The following FHL5 variants were observed in gnomAD, a reference collection of about 807,000 sequenced individuals.
FHL5 encodes four and a half LIM domains 5.
A neutral mutation model predicts 32.0 loss-of-function variants in FHL5; 33 were observed. The ratio of observed to expected loss-of-function variants is 1.03; its 90% CI spans 0.78 to 1.38. The LOEUF (loss-of-function observed/expected upper bound fraction) is 1.38. Ranked by LOEUF, FHL5 falls within the 40% of genes most tolerant of loss-of-function variation. The pLI is 0.00. For missense variants in FHL5, 336 were observed against 343.9 expected, an observed-to-expected ratio of 0.98 and a Z score of 0.18; for synonymous variants, 114 against 113.6, an observed-to-expected ratio of 1.00 and a Z score of -0.02.
intron 1 of FHL5, among the ~76,000 whole-genome samples, chr6:96,581,039 G>C (rs1453127443): frequency 6.6e-6 from 1 of 152,076 alleles, no homozygotes; most frequent in Admixed American, 6.6e-5. Flanking sequence ...ATAATTTCTT[G>C]ATTCTCCCAT....
At chr6:96,578,612 T>C (rs948437103) in intron 1 of FHL5, among the ~76,000 whole-genome samples, 1 of 151,996 alleles carries the variant, frequency 6.6e-6, no homozygotes, top group African/African-American at 2.4e-5. Flanking sequence ...GAGGTCGAGG[T>C]GGGAGAATCA....
chr6:96,582,219 T>C (rs950541769), intron 1 of FHL5, among the ~76,000 whole-genome samples: 2 of 152,126 alleles, frequency 1.3e-5, no homozygotes, highest in African/African-American at 4.8e-5. Context: ...GGAATTAACA[T>C]TGCAGAAGCA....
At chr6:96,612,197 C>A (rs1771424418) in intron 5 of FHL5, among the ~76,000 whole-genome samples, 1 of 152,126 alleles carries the variant, frequency 6.6e-6, no homozygotes, top group African/African-American at 2.4e-5. Flanking sequence ...TGCTCTCCTG[C>A]CTTCTACAAA....
intron 4 of FHL5, among the ~76,000 whole-genome samples, chr6:96,609,853 T>C (rs1191161465): frequency 8.5e-5 from 13 of 152,202 alleles, no homozygotes. Flanking sequence ...TTAATGACTG[T>C]AACCCTCACT....
intron 1 of FHL5, among the ~76,000 whole-genome samples, chr6:96,569,124 T>C (rs1401368481): frequency 6.6e-6 from 1 of 151,938 alleles, no homozygotes; most frequent in East Asian, 1.9e-4. Flanking sequence ...ATACCCCAGA[T>C]GTTTTGGTAT....
intron 1 of FHL5, among the ~76,000 whole-genome samples, chr6:96,595,245 T>A (rs1771011673): frequency 6.6e-6 from 1 of 151,918 alleles, no homozygotes; most frequent in Non-Finnish European, 1.5e-5. Flanking sequence ...TCACTGAGTA[T>A]ACAGGTCTAG....
chr6:96,603,665 A>G lies in FHL5; in HGVS notation c.52A>G (p.Lys18Glu). ...ATACTGCACAGCATCACTTCTTGGG[A>G]AGAAATATGTACTAAAGGATGACAG... ...CQYCTASLLG[K>E]KYVLKDDSPY... The change falls in exon 2 of 6, where the codon AAG (lysine) becomes GAG (glutamate). Residue 18 changes from lysine (K) to glutamate (E), a missense_variant. By Grantham distance (56) the Lys-to-Glu change is moderately conservative. Transcript: ENST00000450218. 1 of 1,613,310 alleles carries G rather than the reference A, an allele frequency of 6.2e-7. No homozygotes were observed. Among genetic ancestry groups the G allele is most frequent in the Non-Finnish European group, 8.5e-7 (1 of 1,179,654 alleles).
intron 5 of FHL5, 120 bp downstream of exon 5, chr6:96,610,878 G>A: frequency 1.4e-6 from 1 of 705,008 alleles, no homozygotes; most frequent in Non-Finnish European, 2.4e-6. Context: ...ATTTCCTTTT[G>A]AGATAAACAC....
intron 1 of FHL5, among the ~76,000 whole-genome samples, chr6:96,579,001 G>A (rs2127962100): frequency 6.6e-6 from 1 of 152,166 alleles, no homozygotes; most frequent in South Asian, 2.1e-4. Flanking sequence ...TTTCTTTGGA[G>A]CTTAGTTTTC....
chr6:96,588,407 A>C (rs1554174604), intron 1 of FHL5, among the ~76,000 whole-genome samples: 2 of 152,060 alleles, frequency 1.3e-5, no homozygotes, highest in Non-Finnish European at 2.9e-5. Flanking sequence ...ACGGGGTTTC[A>C]CCATGTTGGT....
intron 5 of FHL5, among the ~76,000 whole-genome samples, chr6:96,615,049 T>C (rs1257952958): frequency 6.6e-6 from 1 of 152,162 alleles, no homozygotes; most frequent in Non-Finnish European, 1.5e-5. Flanking sequence ...CTAGAAATAG[T>C]GTCCCAAACC....
At position 96,604,941 on chromosome 6, in the gene FHL5, G is replaced by T. The variant is rs1293520691; in HGVS notation, c.334+17G>T. The T allele has an allele frequency of 4.5e-6, 7 of 1,568,176 alleles. No homozygotes were observed. Among genetic ancestry groups the T allele is most frequent in the East Asian group, 2.3e-5 (1 of 43,248 alleles). On this transcript the variant is annotated intron_variant, in intron 3 of 5. Coordinates refer to ENST00000450218, the MANE Select transcript of FHL5 (RefSeq NM_001322466.2). Reference sequence around the variant, plus strand: ...TCATGCCTGGTAGGGTCTCAAGGGGGCTCCTGTCTCTAACTGAAGCTGTGA... The same window carrying T: ...TCATGCCTGGTAGGGTCTCAAGGGGTCTCCTGTCTCTAACTGAAGCTGTGA...
chr6:96,580,042 C>T (rs1770666781), intron 1 of FHL5, among the ~76,000 whole-genome samples: 1 of 152,112 alleles, frequency 6.6e-6, no homozygotes, highest in African/African-American at 2.4e-5. Context: ...TCAACTTGGC[C>T]CACCAGTTCA....
At chr6:96,615,446 C>T (rs1582485154) in intron 5 of FHL5, among the ~76,000 whole-genome samples, 163 bp from the exon 6 acceptor site, 1 of 152,152 alleles carries the variant, frequency 6.6e-6, no homozygotes. Context: ...GTGGATAGTT[C>T]CAGATGGACA....
chr6:96,606,139 T>C (rs974487248), intron 4 of FHL5, 68 bp downstream of exon 4: 1 of 1,286,036 alleles, frequency 7.8e-7, no homozygotes, highest in Non-Finnish European at 1.1e-6. Context: ...ATCATATATT[T>C]AGAATGAACT....
intron 1 of FHL5, among the ~76,000 whole-genome samples, chr6:96,593,559 C>T (rs1370198918): frequency 6.6e-6 from 1 of 152,062 alleles, no homozygotes; most frequent in East Asian, 1.9e-4. Context: ...TACGTTACTC[C>T]AAGGGCATAG....
chr6:96,584,584 T>C (rs1770761865), intron 1 of FHL5, among the ~76,000 whole-genome samples: 1 of 151,902 alleles, frequency 6.6e-6, no homozygotes, highest in African/African-American at 2.4e-5. Context: ...TGAGTTTAGA[T>C]TTTATAGTCG....
chr6:96,570,259 G>A (rs954405808), intron 1 of FHL5, among the ~76,000 whole-genome samples: 1 of 152,006 alleles, frequency 6.6e-6, no homozygotes, highest in Non-Finnish European at 1.5e-5. Context: ...AGTATTCTTA[G>A]CTAGCAATTT....
chr6:96,603,954 T>C (rs1401144358), intron 2 of FHL5, among the ~76,000 whole-genome samples, 182 bp downstream of exon 2: 1 of 152,198 alleles, frequency 6.6e-6, no homozygotes, highest in Admixed American at 6.5e-5. Flanking sequence ...AAATACAACA[T>C]ATGCTTAATC....
Sources: allele counts gnomAD v4.1 joint callset (sites outside exome capture counted in the v4.1 genomes callset), GRCh38; gene constraint gnomAD v4.1.1; transcripts MANE v1.5; gene names NCBI Gene and HGNC (gene_info 2026-07-23, HGNC 2026-07-21).